CNTN5: variants seen among roughly 807,000 people sequenced by gnomAD.
CNTN5 encodes contactin 5.
Under a neutral mutation model 129.1 loss-of-function variants are expected in CNTN5, and 77 were observed. That is an observed-to-expected ratio of 0.60 (90% CI 0.50 to 0.72). The LOEUF (loss-of-function observed/expected upper bound fraction) is 0.72, where lower values mean the gene tolerates loss of function less well. Among genes scored for constraint, CNTN5 ranks in the 30% least tolerant of loss-of-function variants. CNTN5 has a pLI of 0.00. For synonymous variants in CNTN5, 509 were observed against 465.6 expected, an observed-to-expected ratio of 1.09 and a Z score of -1.20; for missense variants, 1,478 against 1,328.8, an observed-to-expected ratio of 1.11 and a Z score of -1.75.
chr11:100,129,182 G>A (rs1946294882), intron 13 of CNTN5, among the ~76,000 whole-genome samples: 1 of 152,216 alleles, frequency 6.6e-6, no homozygotes, highest in East Asian at 1.9e-4. Context: ...GACAAATGAA[G>A]GTTAGGTGAA....
intron 3 of CNTN5, among the ~76,000 whole-genome samples, chr11:99,570,742 A>T (rs1200369617): frequency 6.6e-6 from 1 of 152,184 alleles, no homozygotes; most frequent in Non-Finnish European, 1.5e-5. Context: ...ATCTAATAGG[A>T]ATAATTCCCA....
At chr11:99,393,487 G>A (rs1342881505) in intron 2 of CNTN5, among the ~76,000 whole-genome samples, 2 of 151,712 alleles carry the variant, frequency 1.3e-5, no homozygotes, top group African/African-American at 2.4e-5. Flanking sequence ...TTTTTCAGAT[G>A]GAGAAATCAA....
intron 7 of CNTN5, among the ~76,000 whole-genome samples, chr11:99,933,467 C>T (rs1950237023): frequency 6.6e-6 from 1 of 152,164 alleles, no homozygotes; most frequent in Admixed American, 6.5e-5. Flanking sequence ...TCCATCACCA[C>T]AAGAAGTTCC....
At chr11:100,015,142 C>G (rs1212669318) in intron 9 of CNTN5, among the ~76,000 whole-genome samples, 1 of 151,948 alleles carries the variant, frequency 6.6e-6, no homozygotes, top group East Asian at 1.9e-4. Flanking sequence ...TATATGTACT[C>G]AAGGGGAAGC....
At chr11:99,936,091 C>G (rs1043538447) in intron 7 of CNTN5, among the ~76,000 whole-genome samples, 2 of 152,120 alleles carry the variant, frequency 1.3e-5, no homozygotes, top group African/African-American at 4.8e-5. Flanking sequence ...CTTTGCAAAG[C>G]AGAAGGGCTC....
At chr11:100,314,676 T>A (rs2138941289) in intron 21 of CNTN5, among the ~76,000 whole-genome samples, 1 of 152,144 alleles carries the variant, frequency 6.6e-6, no homozygotes, top group African/African-American at 2.4e-5. Flanking sequence ...TGAGCAAGAG[T>A]CATTTGGAGA....
chr11:100,091,424 CTTTTTTTTTTT>C (rs60075209), intron 13 of CNTN5, among the ~76,000 whole-genome samples: 10 of 114,442 alleles, frequency 8.7e-5, no homozygotes, highest in Admixed American at 2.8e-4. Flanking sequence ...TTTATTTATT[CTTTTTTTTTTT>C]TTTTTTTTTT....
intron 1 of CNTN5, among the ~76,000 whole-genome samples, chr11:99,203,296 T>C (rs1178672268): frequency 6.6e-6 from 1 of 152,156 alleles, no homozygotes; most frequent in African/African-American, 2.4e-5. Context: ...CACAGAATCA[T>C]TTGAGCTTCA....
At chr11:100,111,795 G>T (rs531627954) in intron 13 of CNTN5, among the ~76,000 whole-genome samples, 16 of 152,088 alleles carry the variant, frequency 1.1e-4, no homozygotes, top group African/African-American at 3.4e-4. Context: ...CTCCCCATTT[G>T]CTCCTACTCC....
In CNTN5 at chr11:99,956,866, G is replaced by A. The variant is rs563536789; in HGVS notation, c.734G>A (p.Arg245Gln). ...FPSFVAEDSR[R>Q]FISQETGNLY... The stretch of plus-strand genomic sequence containing the variant: ...TCCTTTGTGGCGGAAGACAGCCGGC[G>A]GTTCATCTCCCAGGAGACAGGCAAC... Residue 245 changes from arginine (R) to glutamine (Q), a missense_variant, in exon 8 of 25, where the codon CGG (arginine) becomes CAG (glutamine). Transcript: ENST00000524871. 8.7e-6 allele frequency: 14 copies of A among 1,613,826 alleles called. No homozygotes were observed. The highest frequency in any genetic ancestry group is 8.3e-5 in the Admixed American group (5 of 60,008).
intron 3 of CNTN5, among the ~76,000 whole-genome samples, chr11:99,741,591 A>T (rs1199289346): frequency 2.6e-5 from 4 of 152,168 alleles, no homozygotes; most frequent in Admixed American, 2.0e-4. Flanking sequence ...GTATCTGAAT[A>T]GTCACTTACT....
At position 99,772,162 on chromosome 11, in the gene CNTN5, A is replaced by ATT. The variant is rs541345666; in HGVS notation, c.56-47372_56-47371dup. ...ATTTTTCTACTACATCAATTACTTC[A>ATT]TTTTTTTTTTTGCCATGTGCTAAGA... On this transcript the variant is annotated intron_variant, in intron 3 of 24. Transcript: ENST00000524871. Among the ~76,000 whole-genome samples the ATT allele has an allele frequency of 1.1e-4, 16 of 144,586 alleles. 1 individual carries two copies. Among genetic ancestry groups the ATT allele is most frequent in the African/African-American group, 4.0e-4 (16 of 39,708 alleles). 94.9% of individuals were successfully genotyped at this position (144,586 alleles called of 152,430 possible).
intron 3 of CNTN5, among the ~76,000 whole-genome samples, chr11:99,757,250 C>T (rs1269109958): frequency 6.6e-6 from 1 of 151,938 alleles, no homozygotes; most frequent in Non-Finnish European, 1.5e-5. Context: ...TTCTGTGTGG[C>T]TCTGTTTCTA....
intron 1 of CNTN5, among the ~76,000 whole-genome samples, chr11:99,075,114 C>T (rs1000018113): frequency 3.3e-5 from 5 of 152,112 alleles, no homozygotes. Context: ...ACTGTTTTTA[C>T]AAAACATCTA....
chr11:100,119,436 C>A (rs1945943800), intron 13 of CNTN5, among the ~76,000 whole-genome samples: 1 of 151,856 alleles, frequency 6.6e-6, no homozygotes, highest in South Asian at 2.1e-4. Flanking sequence ...AACTTCTCTT[C>A]ACCAGCAACC....
intron 3 of CNTN5, among the ~76,000 whole-genome samples, chr11:99,785,167 C>G (rs1229869015): frequency 6.6e-6 from 1 of 152,070 alleles, no homozygotes; most frequent in African/African-American, 2.4e-5. Flanking sequence ...TGATGATTAG[C>G]TTTGTTTCAT....
chr11:99,387,918 A>G (rs1453901570), intron 2 of CNTN5, among the ~76,000 whole-genome samples: 2 of 152,172 alleles, frequency 1.3e-5, no homozygotes, highest in Non-Finnish European at 2.9e-5. Flanking sequence ...AGCATTCAAG[A>G]CAAATGAAAT....
chr11:99,104,897 T>C (rs1026179143), intron 1 of CNTN5, among the ~76,000 whole-genome samples: 8 of 152,144 alleles, frequency 5.3e-5, no homozygotes, highest in Non-Finnish European at 8.8e-5. Flanking sequence ...ATTAACAAAA[T>C]AGCAACTTTT....
At chr11:99,037,258 A>C (rs1362597938) in intron 1 of CNTN5, among the ~76,000 whole-genome samples, 1 of 152,098 alleles carries the variant, frequency 6.6e-6, no homozygotes, top group Non-Finnish European at 1.5e-5. Context: ...CTATTCTCCA[A>C]CATGTCAATA....
Sources: allele counts gnomAD v4.1 joint callset (sites outside exome capture counted in the v4.1 genomes callset), GRCh38; gene constraint gnomAD v4.1.1; transcripts MANE v1.5; gene names NCBI Gene and HGNC (gene_info 2026-07-23, HGNC 2026-07-21).